HOXA10: variants seen among roughly 807,000 people sequenced by gnomAD.
HOXA10 encodes the protein homeobox A10, also known as homeobox protein Hox-A10.
Under a neutral mutation model 29.7 loss-of-function variants are expected in HOXA10, and 12 were observed. The observed-to-expected ratio is 0.40, with a 90% confidence interval of 0.26 to 0.65. HOXA10 has a LOEUF of 0.65. HOXA10 is among the 30% of genes least tolerant of loss of function. The pLI is 0.37. For synonymous variants in HOXA10, 327 were observed against 280.7 expected, an observed-to-expected ratio of 1.16 and a Z score of -1.65; for missense variants, 656 against 585.9, an observed-to-expected ratio of 1.12 and a Z score of -1.24.
upstream of HOXA10, among the ~76,000 whole-genome samples, chr7:27,176,436 C>T (rs1783655874): frequency 6.6e-6 from 1 of 152,252 alleles, no homozygotes; most frequent in Non-Finnish European, 1.5e-5. Context: ...TCTTTAGCTT[C>T]CCGGATCTGC....
In HOXA10 at chr7:27,172,016, G is replaced by A; in HGVS notation, c.1116C>T (p.Ser372=). 6.2e-7 allele frequency: 1 copy of A among 1,614,012 alleles called. No homozygotes were observed. Among genetic ancestry groups the A allele is most frequent in the Non-Finnish European group, 8.5e-7 (1 of 1,179,956 alleles). Residue 372 remains serine, a synonymous_variant, in exon 2 of 2, where the codon AGC becomes AGT. Transcript: ENST00000283921. ...TRERRLEISR[S]VHLTDRQVKI... is the part of the protein sequence containing the mutation. Reference sequence around the variant, plus strand: ...TCACTTGTCTGTCCGTGAGGTGGACGCTGCGGCTAATCTCTAGGCGCCGCT... The same window carrying A: ...TCACTTGTCTGTCCGTGAGGTGGACACTGCGGCTAATCTCTAGGCGCCGCT...
At chr7:27,173,059 G>T in intron 1 of HOXA10, 1 of 497,730 alleles carries the variant, frequency 2.0e-6, no homozygotes, top group Non-Finnish European at 3.6e-6. Context: ...GGTCCTCCCG[G>T]CCACAGGAAA....
At chr7:27,177,856 T>A (rs1411921416), upstream of HOXA10, among the ~76,000 whole-genome samples, 2 of 152,190 alleles carry the variant, frequency 1.3e-5, no homozygotes, top group African/African-American at 2.4e-5. Flanking sequence ...CCAGGCCTTA[T>A]GCAGCGGTTA....
In HOXA10 at chr7:27,173,784, C is replaced by T. The variant is rs1003676880; in HGVS notation, c.523G>A (p.Ala175Thr). ...GCCGAGACTTTGGGGCATTTGTCCG[C>T]CGAGTCGTAGAGGCAGTAGGAGCTC... Reference protein sequence around the residue: ...EESSYCLYDSADKCPKVSATA... With the variant: ...EESSYCLYDSTDKCPKVSATA... Residue 175 changes from alanine to threonine, a missense_variant, in exon 1 of 2, where the codon GCG (alanine) becomes ACG (threonine). By Grantham distance (58) the Ala-to-Thr change is moderately conservative. Transcript: ENST00000283921. The T allele has an allele frequency of 1.1e-5, 18 of 1,610,388 alleles. No homozygotes were observed. The highest frequency in any genetic ancestry group is 2.2e-5 in the South Asian group (2 of 90,572).
chr7:27,174,646 C>G (rs901816203), upstream of HOXA10: 1 of 369,282 alleles, frequency 2.7e-6, no homozygotes, highest in African/African-American at 2.1e-5. Flanking sequence ...TTGGGCCCCG[C>G]GCAGTTAACA....
Position 27,170,767 on chromosome 7 carries a change from A to T in HOXA10, c.*1132T>A. 2.2e-6 allele frequency: 1 copy of T among 450,100 alleles called. No individual in the cohort carries two copies. The highest frequency in any genetic ancestry group is 4.4e-6 in the Non-Finnish European group (1 of 225,918). 27.9% of individuals were successfully genotyped at this position (450,100 alleles called of 1,614,324 possible). A position where few individuals can be genotyped will look rare whatever the true frequency, so the allele number is the denominator to read the frequency against. On this transcript the variant is annotated 3_prime_UTR_variant, in exon 2 of 2. Transcript: ENST00000283921. ...TGCATTTGCTTAAAACAAGATTGGC[A>T]ATTCTTCATAATAATAGACATTTAT...
In HOXA10 at chr7:27,174,194, C is replaced by T. The variant is rs776428407; in HGVS notation, c.113G>A (p.Gly38Asp). 4 of 1,600,464 alleles carry T rather than the reference C, an allele frequency of 2.5e-6. No individual in the cohort carries two copies. The South Asian group carries it at 3.3e-5, about 13-fold the overall frequency. Residue 38 changes from glycine to aspartate, a missense_variant, in exon 1 of 2, where the codon GGC (glycine) becomes GAC (aspartate). Physicochemically the swap from Gly to Asp is moderately conservative, Grantham distance 94. This residue lies in a region of HOXA10 where 594 missense variants were observed against 491.9 expected (regional missense o/e 1.21). Transcript: ENST00000283921. Reference sequence around the variant, plus strand: ...ACCACCGCCGCCTGCCTCGCCTCTGCCCGAGCTGATGAGCGAGTCGACCAA... The same window carrying T: ...ACCACCGCCGCCTGCCTCGCCTCTGTCCGAGCTGATGAGCGAGTCGACCAA... ...SFLVDSLISS[G>D]RGEAGGGGGG...
Position 27,173,227 on chromosome 7 carries a change from C to G in HOXA10, c.958+122G>C, listed in dbSNP as rs1319556134. ...TTAAAAAGCAAGTTCACAAGGTCAG[C>G]CTGCCTGCAGCTTGGGCCAAGGCCG... On this transcript the variant is annotated intron_variant, in intron 1 of 1. Coordinates refer to ENST00000283921, the MANE Select transcript of HOXA10 (RefSeq NM_018951.4). 5 of 1,482,724 alleles carry G rather than the reference C, an allele frequency of 3.4e-6. No individual in the cohort carries two copies. In the African/African-American group the frequency reaches 7.0e-5, roughly 21 times the overall value. The allele number at this position is 1,482,724 out of a possible 1,614,324, so 91.8% of individuals were successfully genotyped here.
upstream of HOXA10, among the ~76,000 whole-genome samples, chr7:27,178,843 G>A (rs1339037788): frequency 2.0e-5 from 3 of 152,170 alleles, no homozygotes; most frequent in African/African-American, 7.2e-5. Context: ...AATTTGAATC[G>A]ATCCTTCAAA....
chr7:27,177,053 G>T (rs185425538), upstream of HOXA10, among the ~76,000 whole-genome samples: 1 of 152,188 alleles, frequency 6.6e-6, no homozygotes. Flanking sequence ...TCAGGGCCCC[G>T]TAGGGCAGCC....
In HOXA10 at chr7:27,174,079, C is replaced by A; in HGVS notation, c.228G>T (p.Gln76His). 1 of 1,561,752 alleles carries A rather than the reference C, an allele frequency of 6.4e-7. No individual in the cohort carries two copies. The highest frequency in any genetic ancestry group is 2.3e-5 in the East Asian group (1 of 43,282). ...CCAGCGTGGGGAAGAGCCCGCAGCT[C>A]TGCAGCCCGTAGGGCAGGTCGGCGG... ...PPAADLPYGL[Q>H]SCGLFPTLGG... The change falls in exon 1 of 2, where the codon CAG (glutamine) becomes CAT (histidine). Residue 76 changes from glutamine (Q) to histidine (H), a missense_variant. Transcript: ENST00000283921.
At chr7:27,179,562 G>C in intron 1 of HOXA10, 1 of 737,154 alleles carries the variant, frequency 1.4e-6, no homozygotes, top group Non-Finnish European at 2.5e-6. Context: ...ACCCAGCCAC[G>C]TTCCCGAGAG....
At chr7:27,178,236 T>G (rs777693611), upstream of HOXA10, among the ~76,000 whole-genome samples, 17 of 152,206 alleles carry the variant, frequency 1.1e-4, no homozygotes, top group Non-Finnish European at 1.9e-4. Context: ...TATCTGGCTT[T>G]AGCAAAAAAA....
upstream of HOXA10, among the ~76,000 whole-genome samples, chr7:27,178,498 G>A (rs556169058): frequency 6.6e-6 from 1 of 152,312 alleles, no homozygotes; most frequent in South Asian, 2.1e-4. Context: ...CACACCCTTT[G>A]AATTGCAATA....
upstream of HOXA10, chr7:27,174,412 G>C: frequency 6.5e-7 from 1 of 1,541,674 alleles, no homozygotes; most frequent in South Asian, 1.2e-5. Context: ...TCCCAGTTTG[G>C]TTTCGTAGGC....
Position 27,171,334 on chromosome 7 carries a change from G to A in HOXA10, c.*565C>T, listed in dbSNP as rs1482507823. The A allele has an allele frequency of 8.8e-6, 4 of 454,120 alleles. 1 individual carries two copies. Among genetic ancestry groups the A allele is most frequent in the South Asian group, 6.2e-5 (4 of 64,478 alleles). 28.1% of individuals were successfully genotyped at this position (454,120 alleles called of 1,614,324 possible). ...CAAAGTCAAGCCCGTTTGCCAACCTGCATGTCCATGCCTGTAAGCCCTTCT... is the reference window on the plus strand; with the variant it reads ...CAAAGTCAAGCCCGTTTGCCAACCTACATGTCCATGCCTGTAAGCCCTTCT... On this transcript the variant is annotated 3_prime_UTR_variant, in exon 2 of 2. Transcript: ENST00000283921.
At position 27,171,248 on chromosome 7, in the gene HOXA10, T is replaced by C. The variant is rs1295504256; in HGVS notation, c.*651A>G. The C allele has an allele frequency of 2.2e-6, 1 of 454,130 alleles. No homozygotes were observed. The highest frequency in any genetic ancestry group is 4.4e-6 in the Non-Finnish European group (1 of 226,790). 28.1% of individuals were successfully genotyped at this position (454,130 alleles called of 1,614,324 possible). ...TTTTTTTTTCTTTTTAAAGCTGGGA[T>C]ATCTTACAGAGGAAGGAAAAATTAA... On this transcript the variant is annotated 3_prime_UTR_variant, in exon 2 of 2. Transcript: ENST00000283921.
chr7:27,172,123 G>T lies in HOXA10; in HGVS notation c.1009C>A (p.Arg337=). The T allele has an allele frequency of 6.2e-7, 1 of 1,613,660 alleles. No homozygotes were observed. The highest frequency in any genetic ancestry group is 8.5e-7 in the Non-Finnish European group (1 of 1,179,900). Residue 337 remains arginine, a synonymous_variant, in exon 2 of 2, where the codon CGG becomes AGG. Coordinates refer to ENST00000283921, the MANE Select transcript of HOXA10 (RefSeq NM_018951.4). ...AANWLTAKSG[R]KKRCPYTKHQ... is the part of the protein sequence containing the mutation. The stretch of plus-strand genomic sequence containing the variant: ...TTCGTGTAGGGGCAGCGCTTCTTCC[G>T]ACCACTCTTTGCCGTGAGCCAGTTG...
intron 1 of HOXA10, 103 bp downstream of exon 1, chr7:27,173,246 A>G: frequency 6.4e-7 from 1 of 1,551,152 alleles, no homozygotes; most frequent in Middle Eastern, 2.3e-4. Context: ...AGCTTGGGCC[A>G]AGGCCGGCCG....
Sources: allele counts gnomAD v4.1 joint callset (sites outside exome capture counted in the v4.1 genomes callset), GRCh38; gene constraint gnomAD v4.1.1; regional missense constraint gnomAD v4.1.1; transcripts MANE v1.5; gene names NCBI Gene and HGNC (gene_info 2026-07-23, HGNC 2026-07-21).